The following KIAA1328 variants were observed in gnomAD, a reference collection of about 807,000 sequenced individuals.
KIAA1328 encodes KIAA1328, also known as protein hinderin.
Under a neutral mutation model 68.1 loss-of-function variants are expected in KIAA1328, and 52 were observed. The observed-to-expected ratio is 0.76, with a 90% CI of 0.61 to 0.96. KIAA1328 has a LOEUF of 0.96. Ranked by LOEUF, KIAA1328 falls within the 40% of genes least tolerant of loss-of-function variation. The probability of loss-of-function intolerance (pLI) is 0.00; values close to 1 mark genes in which losing one functional copy is unlikely to be tolerated. For synonymous variants in KIAA1328, 232 were observed against 239.4 expected, an observed-to-expected ratio of 0.97 and a Z score of 0.28; for missense variants, 641 against 677.6, an observed-to-expected ratio of 0.95 and a Z score of 0.60.
intron 9 of KIAA1328, among the ~76,000 whole-genome samples, chr18:37,211,480 G>C (rs2060314542): frequency 6.6e-6 from 1 of 152,180 alleles, no homozygotes; most frequent in African/African-American, 2.4e-5. Context: ...TTTGTCACTT[G>C]CATGCTATGG....
chr18:37,000,929 A>C (rs776157743), intron 6 of KIAA1328, among the ~76,000 whole-genome samples: 1 of 152,110 alleles, frequency 6.6e-6, no homozygotes, highest in South Asian at 2.1e-4. Context: ...AAATGCCTAC[A>C]TCAAAAAGTA....
intron 1 of KIAA1328, among the ~76,000 whole-genome samples, chr18:36,831,163 A>G (rs915994982): frequency 2.6e-5 from 4 of 152,236 alleles, no homozygotes; most frequent in African/African-American, 9.6e-5. Flanking sequence ...GTAAGTACCT[A>G]TAATCTGGTA....
At chr18:36,856,628 T>C (rs1422816535) in intron 4 of KIAA1328, among the ~76,000 whole-genome samples, 2 of 152,320 alleles carry the variant, frequency 1.3e-5, no homozygotes, top group East Asian at 3.9e-4. Flanking sequence ...TTCAGGACAG[T>C]TGATTTCAAG....
chr18:37,163,872 A>T (rs2059332870), intron 8 of KIAA1328, among the ~76,000 whole-genome samples: 1 of 152,248 alleles, frequency 6.6e-6, no homozygotes, highest in East Asian at 1.9e-4. Flanking sequence ...AGCTGAAGAT[A>T]TGCTAAAAGT....
downstream of KIAA1328, chr18:37,230,961 T>A (rs2060661711): frequency 6.6e-6 from 1 of 152,272 alleles, no homozygotes; most frequent in Non-Finnish European, 1.5e-5. Flanking sequence ...CCTTCTCCCC[T>A]CTGCAGCTCA....
intron 4 of KIAA1328, among the ~76,000 whole-genome samples, chr18:36,848,898 G>T (rs1286126647): frequency 1.3e-5 from 2 of 150,980 alleles, no homozygotes; most frequent in Admixed American, 1.3e-4. Flanking sequence ...TGTGTTCCTG[G>T]CTTAAGCCTC....
intron 3 of KIAA1328, among the ~76,000 whole-genome samples, 183 bp from the exon 4 acceptor site, chr18:36,844,025 T>G (rs1032983681): frequency 3.9e-5 from 6 of 152,124 alleles, no homozygotes; most frequent in African/African-American, 1.4e-4. Context: ...TCTCATGAAG[T>G]GTCCTAGTGG....
chr18:36,950,165 A>G (rs1332911942), intron 5 of KIAA1328, among the ~76,000 whole-genome samples: 1 of 152,054 alleles, frequency 6.6e-6, no homozygotes, highest in Non-Finnish European at 1.5e-5. Flanking sequence ...CTTTTTTTCA[A>G]AAGGGAGAAA....
At chr18:36,832,492 G>C (rs2046526063) in intron 1 of KIAA1328, among the ~76,000 whole-genome samples, 1 of 151,426 alleles carries the variant, frequency 6.6e-6, no homozygotes, top group African/African-American at 2.4e-5. Flanking sequence ...GGGAGGCTGA[G>C]GCAGAGAATT....
At chr18:36,957,573 CAAATTATA>C (rs1310674926) in intron 5 of KIAA1328, among the ~76,000 whole-genome samples, 3 of 151,948 alleles carry the variant, frequency 2.0e-5, no homozygotes, top group African/African-American at 7.3e-5. Flanking sequence ...TTCTTTGTAC[CAAATTATA>C]AAATTATAAA....
intron 6 of KIAA1328, among the ~76,000 whole-genome samples, chr18:36,987,513 T>TAATA (rs2052987160): frequency 6.8e-6 from 1 of 147,200 alleles, no homozygotes; most frequent in Admixed American, 6.9e-5. Context: ...TAAATAAAAA[T>TAATA]AAAAAAATAA....
intron 4 of KIAA1328, among the ~76,000 whole-genome samples, chr18:36,861,100 C>T (rs1346118075): frequency 6.6e-6 from 1 of 151,978 alleles, no homozygotes; most frequent in Non-Finnish European, 1.5e-5. Context: ...TTCTAGTATC[C>T]TGTTTTACAT....
chr18:36,865,596 A>G (rs1242083072), intron 4 of KIAA1328, among the ~76,000 whole-genome samples: 1 of 152,032 alleles, frequency 6.6e-6, no homozygotes, highest in Non-Finnish European at 1.5e-5. Flanking sequence ...GTAATCCTGT[A>G]TGTAACTAAT....
At chr18:36,906,595 A>G (rs1264228452) in intron 5 of KIAA1328, among the ~76,000 whole-genome samples, 1 of 152,090 alleles carries the variant, frequency 6.6e-6, no homozygotes, top group African/African-American at 2.4e-5. Flanking sequence ...TACTTTTATT[A>G]ATTTTTAATT....
At chr18:37,018,629 C>T (rs988314265) in intron 6 of KIAA1328, among the ~76,000 whole-genome samples, 1 of 152,066 alleles carries the variant, frequency 6.6e-6, no homozygotes, top group African/African-American at 2.4e-5. Context: ...TACATAATCC[C>T]AAGGTTCTCA....
intron 6 of KIAA1328, among the ~76,000 whole-genome samples, chr18:37,021,781 A>G (rs966223052): frequency 1.3e-5 from 2 of 151,820 alleles, no homozygotes; most frequent in Non-Finnish European, 2.9e-5. Flanking sequence ...AAACCAAAAA[A>G]AATACCCAGC....
At chr18:37,204,780 A>T (rs889826511) in intron 9 of KIAA1328, among the ~76,000 whole-genome samples, 1 of 137,646 alleles carries the variant, frequency 7.3e-6, no homozygotes, top group Non-Finnish European at 1.6e-5. Flanking sequence ...AAAAAAAAAA[A>T]CACCTCTCAA....
At chr18:36,883,731 T>C (rs965863215) in intron 4 of KIAA1328, among the ~76,000 whole-genome samples, 1 of 152,164 alleles carries the variant, frequency 6.6e-6, no homozygotes, top group Non-Finnish European at 1.5e-5. Flanking sequence ...CATTTCTTTG[T>C]TTTATGCATC....
rs935655468 is a variant in KIAA1328 at position 37,173,059 on chromosome 18, T to A, written c.1501T>A (p.Ser501Thr). 1.1e-5 allele frequency: 18 copies of A among 1,612,974 alleles called. No individual in the cohort carries two copies. The highest frequency in any genetic ancestry group is 1.5e-5 in the Non-Finnish European group (18 of 1,179,148). ...LKDFVTTASP[S>T]LQHTTSRYET... ...GGATTTTGTCACCACAGCCTCACCA[T>A]CATTACAGCACACCACCTCCCGGTA... The change falls in exon 9 of 10, where the codon TCA becomes ACA. Residue 501 changes from serine to threonine, a missense_variant. Transcript: ENST00000280020.
Sources: allele counts gnomAD v4.1 joint callset (sites outside exome capture counted in the v4.1 genomes callset), GRCh38; gene constraint gnomAD v4.1.1; transcripts MANE v1.5; gene names NCBI Gene and HGNC (gene_info 2026-07-23, HGNC 2026-07-21).